The following KCNC1 variants were observed in gnomAD, a reference collection of about 807,000 sequenced individuals.
KCNC1 encodes potassium voltage-gated channel subfamily C member 1, also known as voltage-gated potassium channel KCNC1.
A neutral mutation model predicts 43.4 loss-of-function variants in KCNC1; 8 were observed. That is an observed-to-expected ratio of 0.18 (90% CI 0.11 to 0.33). KCNC1 has a LOEUF of 0.33. KCNC1 is among the 10% of genes least tolerant of loss of function. The pLI, the probability that KCNC1 is intolerant of heterozygous loss-of-function variation, is 1.00. For synonymous variants in KCNC1, 361 were observed against 360.5 expected (o/e 1.00, Z -0.01); for missense variants, 420 against 836.0 (o/e 0.50, Z 6.14).
intron 1 of KCNC1, among the ~76,000 whole-genome samples, chr11:17,737,107 A>G (rs1848776817): frequency 6.6e-6 from 1 of 152,004 alleles, no homozygotes; most frequent in South Asian, 2.1e-4. Context: ...AGCTTGAGAC[A>G]GACACCCCCT....
At position 17,773,223 on chromosome 11, in the gene KCNC1, C is replaced by A; in HGVS notation, c.1504+625C>A. The A allele has an allele frequency of 1.0e-6, 1 of 986,054 alleles. No homozygotes were observed. Among genetic ancestry groups the A allele is most frequent in the Admixed American group, 6.1e-5 (1 of 16,330 alleles). 61.1% of individuals were successfully genotyped at this position (986,054 alleles called of 1,614,324 possible). ...AGGAGACGCCTGTAGCCCTCCGTGA[C>A]AAGCTTACTTACCCCATAGCATGCT... is the stretch of plus-strand genomic sequence containing the variant. On this transcript the variant is annotated intron_variant, in intron 2 of 3. Transcript: ENST00000265969. The surrounding 1 kb of genome is among the most constrained non-coding windows in gnomAD (Gnocchi z 4.1).
rs1019938759 is a variant in KCNC1, at chr11:17,771,479, G to C, written c.571-186G>C. ...AGACAGCATGGAAGGCGGAGTAGGA[G>C]GGTTTTAGAGCCTGCCCTGACGGTC... On this transcript the variant is annotated intron_variant, in intron 1 of 3. Transcript: ENST00000265969. This position sits in a 1 kb window ranked among gnomAD's most constrained non-coding sequence, Gnocchi z 4.7. Among the ~76,000 whole-genome samples the C allele has an allele frequency of 1.3e-5, 2 of 152,206 alleles. No homozygotes were observed. Among genetic ancestry groups the C allele is most frequent in the Non-Finnish European group, 2.9e-5 (2 of 68,030 alleles).
intron 2 of KCNC1, among the ~76,000 whole-genome samples, chr11:17,778,394 C>T (rs1168329209): frequency 6.6e-6 from 1 of 152,258 alleles, no homozygotes; most frequent in Non-Finnish European, 1.5e-5. Context: ...CCATCAGCCG[C>T]TGTTGTCTTC....
intron 1 of KCNC1, among the ~76,000 whole-genome samples, chr11:17,768,608 T>G (rs1450273771): frequency 1.9e-5 from 1 of 53,428 alleles, no homozygotes. Context: ...AGAATGGATG[T>G]TGGTGGGGGG....
Position 17,735,869 on chromosome 11 carries a change from G to A in KCNC1, c.-134G>A. ...CTCGCTCGTTGGGGTGGCCAGAGCC[G>A]CAGGCCTCTGTTCCCCCCGACGGCT... On this transcript the variant is annotated 5_prime_UTR_variant, in exon 1 of 4. Coordinates refer to ENST00000265969, the MANE Select transcript of KCNC1 (RefSeq NM_001112741.2). The surrounding 1 kb of genome is among the most constrained non-coding windows in gnomAD (Gnocchi z 6.7). 2.9e-6 allele frequency: 3 copies of A among 1,041,296 alleles called. No individual in the cohort carries two copies. The highest frequency in any genetic ancestry group is 3.1e-5 in the East Asian group (1 of 31,866). The allele number at this position is 1,041,296 out of a possible 1,614,324, so 64.5% of individuals were successfully genotyped here.
At chr11:17,756,520 A>AACACACACACAC (rs3051818) in intron 1 of KCNC1, among the ~76,000 whole-genome samples, 45 of 143,908 alleles carry the variant, frequency 3.1e-4, no homozygotes, top group African/African-American at 7.7e-4. Flanking sequence ...CTTCCCTCCA[A>AACACACACACAC]ACACACACAC....
chr11:17,735,981 C>G lies in KCNC1; in HGVS notation c.-22C>G. 7.0e-7 allele frequency: 1 copy of G among 1,419,608 alleles called. No individual in the cohort carries two copies. Among genetic ancestry groups the G allele is most frequent in the East Asian group, 2.8e-5 (1 of 36,276 alleles). The allele number at this position is 1,419,608 out of a possible 1,614,324, so 87.9% of individuals were successfully genotyped here. On this transcript the variant is annotated 5_prime_UTR_variant, in exon 1 of 4. Coordinates refer to ENST00000265969, the MANE Select transcript of KCNC1 (RefSeq NM_001112741.2). This position sits in a 1 kb window ranked among gnomAD's most constrained non-coding sequence, Gnocchi z 6.7. ...CTCCCATGGGTGTCGCTGGGCCGCG[C>G]CATGCCTAAGGGGGCGCCGCGATGG...
In KCNC1 at chr11:17,739,673, C is replaced by CTGTGTG. The variant is rs10534547; in HGVS notation, c.570+3125_570+3130dup. ...GTATATGTGGAGCTCATGTGTGAGT[C>CTGTGTG]TGTGTGTGTGTGTGTGTGTGTGTGT... On this transcript the variant is annotated intron_variant, in intron 1 of 3. Coordinates refer to ENST00000265969, the MANE Select transcript of KCNC1 (RefSeq NM_001112741.2). The surrounding 1 kb of genome is among the most constrained non-coding windows in gnomAD (Gnocchi z 4.2). Among the ~76,000 whole-genome samples, 22 of 143,004 alleles carry CTGTGTG rather than the reference C, an allele frequency of 1.5e-4. No homozygotes were observed. The highest frequency in any genetic ancestry group is 5.1e-4 in the African/African-American group (20 of 39,036). The allele number at this position is 143,004 out of a possible 152,430, so 93.8% of individuals were successfully genotyped here. A position where few individuals can be genotyped will look rare whatever the true frequency, so the allele number is the denominator to read the frequency against.
chr11:17,755,276 C>A (rs999250023), intron 1 of KCNC1, among the ~76,000 whole-genome samples: 1 of 152,110 alleles, frequency 6.6e-6, no homozygotes, highest in East Asian at 1.9e-4. Context: ...CAGATCAAGT[C>A]GGATCTGCAA....
intron 1 of KCNC1, among the ~76,000 whole-genome samples, chr11:17,759,330 A>G (rs1339569104): frequency 6.6e-6 from 1 of 152,238 alleles, no homozygotes; most frequent in Admixed American, 6.5e-5. Flanking sequence ...GCTGTGTTTC[A>G]TCTTCTATCC....
rs565476347 is a variant in KCNC1, at chr11:17,736,925, A to C, written c.570+353A>C. Among the ~76,000 whole-genome samples the C allele has an allele frequency of 6.6e-6, 1 of 152,278 alleles. No individual in the cohort carries two copies. Among genetic ancestry groups the C allele is most frequent in the East Asian group, 1.9e-4 (1 of 5,184 alleles). ...AGCATGTGTGTATGTTCGAGTGTGCATGAGCGCCTGCCCGTGAACATTTGT... is the reference window on the plus strand; with the variant it reads ...AGCATGTGTGTATGTTCGAGTGTGCCTGAGCGCCTGCCCGTGAACATTTGT... On this transcript the variant is annotated intron_variant, in intron 1 of 3. Transcript: ENST00000265969. The surrounding 1 kb of genome is among the most constrained non-coding windows in gnomAD (Gnocchi z 9.3).
At chr11:17,769,357 G>C (rs1388083098) in intron 1 of KCNC1, among the ~76,000 whole-genome samples, 1 of 151,708 alleles carries the variant, frequency 6.6e-6, no homozygotes. Context: ...GAAAGAGGGA[G>C]GGAGATAAAG....
chr11:17,771,844 C>T lies in KCNC1; in HGVS notation c.750C>T (p.Gly250=), dbSNP rs147271572. The T allele has an allele frequency of 4.8e-5, 78 of 1,614,194 alleles. No individual in the cohort carries two copies. The East Asian group carries it at 1.5e-3, about 31-fold the overall frequency. ...ETEAFLTYIE[G]VCVVWFTFEF... ...AGGCCTTCCTTACCTACATCGAGGG[C>T]GTCTGTGTGGTCTGGTTCACCTTCG... Residue 250 remains glycine (G), a synonymous_variant, in exon 2 of 4, where the codon GGC becomes GGT. Coordinates refer to ENST00000265969, the MANE Select transcript of KCNC1 (RefSeq NM_001112741.2). This position sits in a 1 kb window ranked among gnomAD's most constrained non-coding sequence, Gnocchi z 4.7.
At position 17,773,979 on chromosome 11, in the gene KCNC1, T is replaced by G; in HGVS notation, c.1504+1381T>G. 1 of 985,522 alleles carries G rather than the reference T, an allele frequency of 1.0e-6. No homozygotes were observed. The highest frequency in any genetic ancestry group is 1.2e-6 in the Non-Finnish European group (1 of 829,992). 61.0% of individuals were successfully genotyped at this position (985,522 alleles called of 1,614,324 possible). On this transcript the variant is annotated intron_variant, in intron 2 of 3. Coordinates refer to ENST00000265969, the MANE Select transcript of KCNC1 (RefSeq NM_001112741.2). The surrounding 1 kb of genome is among the most constrained non-coding windows in gnomAD (Gnocchi z 4.1). ...GGCCTCCCCCAGTGGATGATTGATT[T>G]TCTTCCCTGCTATCGCGCTCTCTGA... is the stretch of plus-strand genomic sequence containing the variant.
At chr11:17,745,362 C>G (rs1465342661) in intron 1 of KCNC1, among the ~76,000 whole-genome samples, 1 of 152,160 alleles carries the variant, frequency 6.6e-6, no homozygotes, top group African/African-American at 2.4e-5. Context: ...CTGGACTCCT[C>G]TCTCTCTCAG....
At chr11:17,775,454 G>A in intron 2 of KCNC1, 2 of 985,542 alleles carry the variant, frequency 2.0e-6, no homozygotes, top group Non-Finnish European at 2.4e-6. Context: ...TGTCCTGGGA[G>A]GGGTATCAAG....
At chr11:17,744,572 C>G (rs763881510) in intron 1 of KCNC1, among the ~76,000 whole-genome samples, 1 of 152,182 alleles carries the variant, frequency 6.6e-6, no homozygotes, top group Non-Finnish European at 1.5e-5. Flanking sequence ...GCACCCATTG[C>G]CCGCTTCTCC....
intron 1 of KCNC1, among the ~76,000 whole-genome samples, chr11:17,762,395 AG>A (rs1205475217): frequency 6.6e-6 from 1 of 152,178 alleles, no homozygotes; most frequent in African/African-American, 2.4e-5. Flanking sequence ...CTCTGTGTGG[AG>A]GCTCAGCGGT....
At position 17,777,732 on chromosome 11, in the gene KCNC1, A is replaced by T. The variant is rs1395494425; in HGVS notation, c.1505-1724A>T. On this transcript the variant is annotated intron_variant, in intron 2 of 3. Transcript: ENST00000265969. The surrounding 1 kb of genome is among the most constrained non-coding windows in gnomAD (Gnocchi z 4.3). Reference sequence around the variant, plus strand: ...CGCACTGTACGTGAAATGCTTTGCCATCTTGTACGAAAGACTTTTTTTTTA... The same window carrying T: ...CGCACTGTACGTGAAATGCTTTGCCTTCTTGTACGAAAGACTTTTTTTTTA... 1 of 985,940 alleles carries T rather than the reference A, an allele frequency of 1.0e-6. No individual in the cohort carries two copies. Among genetic ancestry groups the T allele is most frequent in the Admixed American group, 6.1e-5 (1 of 16,276 alleles). 61.1% of individuals were successfully genotyped at this position (985,940 alleles called of 1,614,324 possible). A position where few individuals can be genotyped will look rare whatever the true frequency, so the allele number is the denominator to read the frequency against.
Sources: allele counts gnomAD v4.1 joint callset (sites outside exome capture counted in the v4.1 genomes callset), GRCh38; gene constraint gnomAD v4.1.1; non-coding constraint Gnocchi (gnomAD v3.1); transcripts MANE v1.5; gene names NCBI Gene and HGNC (gene_info 2026-07-23, HGNC 2026-07-21).